KRTAP20-4: variants seen among roughly 807,000 people sequenced by gnomAD.
The protein encoded by KRTAP20-4 is keratin associated protein 20-4, also known as putative keratin-associated protein 20-4.
For missense variants in KRTAP20-4, 30 were observed against 22.1 expected, an observed-to-expected ratio of 1.36 and a Z score of -0.72; for synonymous variants, 21 against 8.9, an observed-to-expected ratio of 2.36 and a Z score of -2.43.
chr21:30,620,800 A>G lies in KRTAP20-4; in HGVS notation c.*8A>G, dbSNP rs764216390. 1.3e-5 allele frequency: 9 copies of G among 717,252 alleles called. No individual in the cohort carries two copies. The highest frequency in any genetic ancestry group is 3.5e-5 in the African/African-American group (2 of 57,240). The allele number at this position is 717,252 out of a possible 1,614,324, so 44.4% of individuals were successfully genotyped here. A position where few individuals can be genotyped will look rare whatever the true frequency, so the allele number is the denominator to read the frequency against. ...TCTTACTCTGCCAGGTAATGACACC[A>G]TGGATTCCACTGAGGAACACCTAGA... On this transcript the variant is annotated 3_prime_UTR_variant, in exon 1 of 1. Transcript: ENST00000382828.
Position 30,620,833 on chromosome 21 carries a change from A to G in KRTAP20-4, c.*41A>G. 2 of 710,308 alleles carry G rather than the reference A, an allele frequency of 2.8e-6. No individual in the cohort carries two copies. The highest frequency in any genetic ancestry group is 5.2e-6 in the Non-Finnish European group (2 of 381,028). The allele number at this position is 710,308 out of a possible 1,614,324, so 44.0% of individuals were successfully genotyped here. Reference sequence around the variant, plus strand: ...CACTGAGGAACACCTAGAGCAGTTCAGTCTACTGCACTCCTCCAGCTTGAT... The same window carrying G: ...CACTGAGGAACACCTAGAGCAGTTCGGTCTACTGCACTCCTCCAGCTTGAT... On this transcript the variant is annotated 3_prime_UTR_variant, in exon 1 of 1. Coordinates refer to ENST00000382828, the MANE Select transcript of KRTAP20-4 (RefSeq NM_001350977.1).
rs1486201981 is a variant in KRTAP20-4, at chr21:30,620,828, A to C, written c.*36A>C. The C allele has an allele frequency of 1.4e-6, 1 of 714,348 alleles. No homozygotes were observed. Among genetic ancestry groups the C allele is most frequent in the Non-Finnish European group, 2.6e-6 (1 of 383,320 alleles). The allele number at this position is 714,348 out of a possible 1,614,324, so 44.3% of individuals were successfully genotyped here. ...GATTCCACTGAGGAACACCTAGAGCAGTTCAGTCTACTGCACTCCTCCAGC... is the reference window on the plus strand; with the variant it reads ...GATTCCACTGAGGAACACCTAGAGCCGTTCAGTCTACTGCACTCCTCCAGC... On this transcript the variant is annotated 3_prime_UTR_variant, in exon 1 of 1. Coordinates refer to ENST00000382828, the MANE Select transcript of KRTAP20-4 (RefSeq NM_001350977.1).
chr21:30,620,645 A>T lies in KRTAP20-4; in HGVS notation c.-13A>T. On this transcript the variant is annotated 5_prime_UTR_variant, in exon 1 of 1. Transcript: ENST00000382828. ...TCCCTGATCCACAACTGAAACATCC[A>T]CTTCTGAACACCATGTCCTACTACA... The T allele has an allele frequency of 1.4e-6, 1 of 717,646 alleles. No homozygotes were observed. The highest frequency in any genetic ancestry group is 2.6e-6 in the Non-Finnish European group (1 of 385,088). 44.5% of individuals were successfully genotyped at this position (717,646 alleles called of 1,614,324 possible). A position where few individuals can be genotyped will look rare whatever the true frequency, so the allele number is the denominator to read the frequency against.
In KRTAP20-4 at chr21:30,620,729, T is replaced by G; in HGVS notation, c.72T>G (p.Thr24=). ...CTGTGGCTGTGACTATGGGAAGGAC[T>G]GTGGCTGTGGCTGAGTATGGCAGGT... ...GLAVAVTMGR[T]VAVAEYGRCR... is the part of the protein sequence containing the mutation. Residue 24 remains threonine (T), a synonymous_variant, in exon 1 of 1, where the codon ACT becomes ACG. Coordinates refer to ENST00000382828, the MANE Select transcript of KRTAP20-4 (RefSeq NM_001350977.1). 1 of 717,442 alleles carries G rather than the reference T, an allele frequency of 1.4e-6. No homozygotes were observed. Among genetic ancestry groups the G allele is most frequent in the Non-Finnish European group, 2.6e-6 (1 of 385,066 alleles). 44.4% of individuals were successfully genotyped at this position (717,442 alleles called of 1,614,324 possible).
In KRTAP20-4 at chr21:30,620,848, T is replaced by G; in HGVS notation, c.*56T>G. ...AGAGCAGTTCAGTCTACTGCACTCC[T>G]CCAGCTTGATTTCCTGATTCTGTTT... On this transcript the variant is annotated 3_prime_UTR_variant, in exon 1 of 1. Transcript: ENST00000382828. 2.9e-6 allele frequency: 2 copies of G among 680,594 alleles called. No individual in the cohort carries two copies. The highest frequency in any genetic ancestry group is 4.6e-5 in the Admixed American group (2 of 43,458). The allele number at this position is 680,594 out of a possible 1,614,324, so 42.2% of individuals were successfully genotyped here. A position where few individuals can be genotyped will look rare whatever the true frequency, so the allele number is the denominator to read the frequency against.
chr21:30,620,717 T>C lies in KRTAP20-4; in HGVS notation c.60T>C (p.Thr20=). The change falls in exon 1 of 1, where the codon ACT becomes ACC. Residue 20 remains threonine (T), a synonymous_variant. Coordinates refer to ENST00000382828, the MANE Select transcript of KRTAP20-4 (RefSeq NM_001350977.1). Reference sequence around the variant, plus strand: ...GCTGCGGCTTGGCTGTGGCTGTGACTATGGGAAGGACTGTGGCTGTGGCTG... The same window carrying C: ...GCTGCGGCTTGGCTGTGGCTGTGACCATGGGAAGGACTGTGGCTGTGGCTG... ...GLGCGLAVAV[T]MGRTVAVAEY... The C allele has an allele frequency of 1.4e-6, 1 of 717,474 alleles. No individual in the cohort carries two copies. Among genetic ancestry groups the C allele is most frequent in the South Asian group, 1.5e-5 (1 of 67,602 alleles). 44.4% of individuals were successfully genotyped at this position (717,474 alleles called of 1,614,324 possible). A position where few individuals can be genotyped will look rare whatever the true frequency, so the allele number is the denominator to read the frequency against.
In KRTAP20-4 at chr21:30,620,820, C is replaced by T. The variant is rs753724309; in HGVS notation, c.*28C>T. 1.4e-6 allele frequency: 1 copy of T among 716,630 alleles called. No individual in the cohort carries two copies. The highest frequency in any genetic ancestry group is 2.6e-6 in the Non-Finnish European group (1 of 384,614). The allele number at this position is 716,630 out of a possible 1,614,324, so 44.4% of individuals were successfully genotyped here. On this transcript the variant is annotated 3_prime_UTR_variant, in exon 1 of 1. Transcript: ENST00000382828. ...ACACCATGGATTCCACTGAGGAACA[C>T]CTAGAGCAGTTCAGTCTACTGCACT...
rs1469207561 is a variant in KRTAP20-4, at chr21:30,620,709, G to C, written c.52G>C (p.Ala18Pro). 8.4e-6 allele frequency: 6 copies of C among 717,446 alleles called. No individual in the cohort carries two copies. The highest frequency in any genetic ancestry group is 3.0e-5 in the South Asian group (2 of 67,602). The allele number at this position is 717,446 out of a possible 1,614,324, so 44.4% of individuals were successfully genotyped here. Residue 18 changes from alanine (A) to proline (P), a missense_variant, in exon 1 of 1, where the codon GCT becomes CCT. Ala to Pro is a conservative substitution (Grantham distance 27). Coordinates refer to ENST00000382828, the MANE Select transcript of KRTAP20-4 (RefSeq NM_001350977.1). ...SGGLGCGLAV[A>P]VTMGRTVAVA... ...TGGCCTGGGCTGCGGCTTGGCTGTG[G>C]CTGTGACTATGGGAAGGACTGTGGC...
At position 30,620,824 on chromosome 21, in the gene KRTAP20-4, G is replaced by C. The variant is rs774312987; in HGVS notation, c.*32G>C. 4.2e-6 allele frequency: 3 copies of C among 716,178 alleles called. No homozygotes were observed. The highest frequency in any genetic ancestry group is 3.5e-5 in the African/African-American group (2 of 57,190). 44.4% of individuals were successfully genotyped at this position (716,178 alleles called of 1,614,324 possible). A position where few individuals can be genotyped will look rare whatever the true frequency, so the allele number is the denominator to read the frequency against. ...CATGGATTCCACTGAGGAACACCTA[G>C]AGCAGTTCAGTCTACTGCACTCCTC... On this transcript the variant is annotated 3_prime_UTR_variant, in exon 1 of 1. Transcript: ENST00000382828.
chr21:30,620,671 G>A lies in KRTAP20-4; in HGVS notation c.14G>A (p.Ser5Asn). 1 of 717,648 alleles carries A rather than the reference G, an allele frequency of 1.4e-6. No individual in the cohort carries two copies. The highest frequency in any genetic ancestry group is 2.6e-6 in the Non-Finnish European group (1 of 385,116). 44.5% of individuals were successfully genotyped at this position (717,648 alleles called of 1,614,324 possible). Residue 5 changes from serine (S) to asparagine (N), a missense_variant, in exon 1 of 1, where the codon AGC becomes AAC. Coordinates refer to ENST00000382828, the MANE Select transcript of KRTAP20-4 (RefSeq NM_001350977.1). MSYY[S>N]HLSGGLGCGL... ...CTTCTGAACACCATGTCCTACTACA[G>A]CCATCTTTCTGGTGGCCTGGGCTGC...
rs1980809542 is a variant in KRTAP20-4 at position 30,620,807 on chromosome 21, C to T, written c.*15C>T. ...CTGCCAGGTAATGACACCATGGATT[C>T]CACTGAGGAACACCTAGAGCAGTTC... On this transcript the variant is annotated 3_prime_UTR_variant, in exon 1 of 1. Coordinates refer to ENST00000382828, the MANE Select transcript of KRTAP20-4 (RefSeq NM_001350977.1). The T allele has an allele frequency of 1.4e-6, 1 of 717,224 alleles. No homozygotes were observed. The highest frequency in any genetic ancestry group is 1.5e-5 in the South Asian group (1 of 67,574). 44.4% of individuals were successfully genotyped at this position (717,224 alleles called of 1,614,324 possible).
rs1178492886 is a variant in KRTAP20-4 at position 30,620,788 on chromosome 21, G to A, written c.131G>A (p.Arg44Lys). 1 of 717,266 alleles carries A rather than the reference G, an allele frequency of 1.4e-6. No homozygotes were observed. The highest frequency in any genetic ancestry group is 2.6e-6 in the Non-Finnish European group (1 of 385,070). The allele number at this position is 717,266 out of a possible 1,614,324, so 44.4% of individuals were successfully genotyped here. ...RHGCHSSYSA[R>K] ...GGCTGCCACTCATCTTACTCTGCCAGGTAATGACACCATGGATTCCACTGA... is the reference window on the plus strand; with the variant it reads ...GGCTGCCACTCATCTTACTCTGCCAAGTAATGACACCATGGATTCCACTGA... Residue 44 changes from arginine (R) to lysine (K), a missense_variant, in exon 1 of 1, where the codon AGG becomes AAG. By Grantham distance (26) the Arg-to-Lys change is conservative. Coordinates refer to ENST00000382828, the MANE Select transcript of KRTAP20-4 (RefSeq NM_001350977.1).
rs1277478641 is a variant in KRTAP20-4, at chr21:30,620,847, C to T, written c.*55C>T. ...TAGAGCAGTTCAGTCTACTGCACTC[C>T]TCCAGCTTGATTTCCTGATTCTGTT... On this transcript the variant is annotated 3_prime_UTR_variant, in exon 1 of 1. Transcript: ENST00000382828. The T allele has an allele frequency of 2.9e-6, 2 of 679,586 alleles. No individual in the cohort carries two copies. The highest frequency in any genetic ancestry group is 3.6e-5 in the African/African-American group (2 of 55,806). 42.1% of individuals were successfully genotyped at this position (679,586 alleles called of 1,614,324 possible).
chr21:30,620,693 C>T lies in KRTAP20-4; in HGVS notation c.36C>T (p.Gly12=), dbSNP rs745424490. ...SYYSHLSGGL[G]CGLAVAVTMG... Reference sequence around the variant, plus strand: ...ACAGCCATCTTTCTGGTGGCCTGGGCTGCGGCTTGGCTGTGGCTGTGACTA... The same window carrying T: ...ACAGCCATCTTTCTGGTGGCCTGGGTTGCGGCTTGGCTGTGGCTGTGACTA... Residue 12 remains glycine (G), a synonymous_variant, in exon 1 of 1, where the codon GGC becomes GGT. Coordinates refer to ENST00000382828, the MANE Select transcript of KRTAP20-4 (RefSeq NM_001350977.1). 1.7e-5 allele frequency: 12 copies of T among 717,650 alleles called. No individual in the cohort carries two copies. The African/African-American group carries it at 1.9e-4, about 11-fold the overall frequency. The allele number at this position is 717,650 out of a possible 1,614,324, so 44.5% of individuals were successfully genotyped here.
chr21:30,620,844 C>A lies in KRTAP20-4; in HGVS notation c.*52C>A. The A allele has an allele frequency of 1.5e-6, 1 of 679,934 alleles. No homozygotes were observed. 42.1% of individuals were successfully genotyped at this position (679,934 alleles called of 1,614,324 possible). A position where few individuals can be genotyped will look rare whatever the true frequency, so the allele number is the denominator to read the frequency against. On this transcript the variant is annotated 3_prime_UTR_variant, in exon 1 of 1. Transcript: ENST00000382828. Reference sequence around the variant, plus strand: ...ACCTAGAGCAGTTCAGTCTACTGCACTCCTCCAGCTTGATTTCCTGATTCT... The same window carrying A: ...ACCTAGAGCAGTTCAGTCTACTGCAATCCTCCAGCTTGATTTCCTGATTCT...
chr21:30,620,639 A>T lies in KRTAP20-4; in HGVS notation c.-19A>T, dbSNP rs555300849. 3 of 717,588 alleles carry T rather than the reference A, an allele frequency of 4.2e-6. No individual in the cohort carries two copies. The East Asian group carries it at 8.0e-5, about 19-fold the overall frequency. 44.5% of individuals were successfully genotyped at this position (717,588 alleles called of 1,614,324 possible). A position where few individuals can be genotyped will look rare whatever the true frequency, so the allele number is the denominator to read the frequency against. ...AATAATTCCCTGATCCACAACTGAA[A>T]CATCCACTTCTGAACACCATGTCCT... On this transcript the variant is annotated 5_prime_UTR_variant, in exon 1 of 1. Coordinates refer to ENST00000382828, the MANE Select transcript of KRTAP20-4 (RefSeq NM_001350977.1).
At position 30,620,838 on chromosome 21, in the gene KRTAP20-4, A is replaced by G. The variant is rs1315001660; in HGVS notation, c.*46A>G. 2.6e-5 allele frequency: 18 copies of G among 701,488 alleles called. No individual in the cohort carries two copies. The highest frequency in any genetic ancestry group is 4.5e-5 in the Non-Finnish European group (17 of 376,146). 43.5% of individuals were successfully genotyped at this position (701,488 alleles called of 1,614,324 possible). A position where few individuals can be genotyped will look rare whatever the true frequency, so the allele number is the denominator to read the frequency against. On this transcript the variant is annotated 3_prime_UTR_variant, in exon 1 of 1. Coordinates refer to ENST00000382828, the MANE Select transcript of KRTAP20-4 (RefSeq NM_001350977.1). Reference sequence around the variant, plus strand: ...AGGAACACCTAGAGCAGTTCAGTCTACTGCACTCCTCCAGCTTGATTTCCT... The same window carrying G: ...AGGAACACCTAGAGCAGTTCAGTCTGCTGCACTCCTCCAGCTTGATTTCCT...
Position 30,620,696 on chromosome 21 carries a change from C to T in KRTAP20-4, c.39C>T (p.Cys13=), listed in dbSNP as rs550393124. Residue 13 remains cysteine, a synonymous_variant, in exon 1 of 1, where the codon TGC becomes TGT. Transcript: ENST00000382828. ...YYSHLSGGLG[C]GLAVAVTMGR... ...GCCATCTTTCTGGTGGCCTGGGCTG[C>T]GGCTTGGCTGTGGCTGTGACTATGG... The T allele has an allele frequency of 1.6e-4, 112 of 717,572 alleles. No individual in the cohort carries two copies. Among genetic ancestry groups the T allele is most frequent in the South Asian group, 1.3e-3 (89 of 67,596 alleles). 44.5% of individuals were successfully genotyped at this position (717,572 alleles called of 1,614,324 possible).
rs778700367 is a variant in KRTAP20-4, at chr21:30,620,675, T to C, written c.18T>C (p.His6=). The change falls in exon 1 of 1, where the codon CAT becomes CAC. Residue 6 remains histidine, a synonymous_variant. Transcript: ENST00000382828. ...TGAACACCATGTCCTACTACAGCCA[T>C]CTTTCTGGTGGCCTGGGCTGCGGCT... MSYYS[H]LSGGLGCGLA... The C allele has an allele frequency of 2.0e-5, 14 of 717,578 alleles. No individual in the cohort carries two copies. In the African/African-American group the frequency reaches 2.4e-4, roughly 13 times the overall value. 44.5% of individuals were successfully genotyped at this position (717,578 alleles called of 1,614,324 possible).
Sources: allele counts gnomAD v4.1 joint callset, GRCh38; gene constraint gnomAD v4.1.1; transcripts MANE v1.5; gene names NCBI Gene and HGNC (gene_info 2026-07-23, HGNC 2026-07-21).